MOB1B: variants seen among roughly 807,000 people sequenced by gnomAD.
MOB1B encodes MOB kinase activator 1B.
Under a neutral mutation model 24.4 loss-of-function variants are expected in MOB1B, and 19 were observed. The ratio of observed to expected loss-of-function variants is 0.78; its 90% CI spans 0.54 to 1.14. The LOEUF is 1.14. Ranked by LOEUF, MOB1B falls within the 50% of genes most tolerant of loss-of-function variation. MOB1B has a pLI of 0.00. For missense variants in MOB1B, 243 were observed against 259.6 expected, an observed-to-expected ratio of 0.94 and a Z score of 0.44; for synonymous variants, 76 against 82.1, an observed-to-expected ratio of 0.93 and a Z score of 0.40.
intron 2 of MOB1B, among the ~76,000 whole-genome samples, chr4:70,959,865 G>A (rs902392610): frequency 3.3e-5 from 5 of 151,912 alleles, no homozygotes; most frequent in African/African-American, 1.2e-4. Context: ...TCAGTTATTT[G>A]TCTAATTGTG....
At chr4:70,980,562 G>C (rs1029173975) in intron 5 of MOB1B, among the ~76,000 whole-genome samples, 2 of 152,092 alleles carry the variant, frequency 1.3e-5, no homozygotes, top group African/African-American at 4.8e-5. Context: ...TTAAGTAAGG[G>C]GGGCACCTGC....
In MOB1B at chr4:70,937,715, G is replaced by T. The variant is rs374348507; in HGVS notation, c.15-21159G>T. Among the ~76,000 whole-genome samples the T allele has an allele frequency of 4.6e-5, 7 of 152,032 alleles. No individual in the cohort carries two copies. In the East Asian group the frequency reaches 1.4e-3, roughly 30 times the overall value. On this transcript the variant is annotated intron_variant, in intron 1 of 5. Transcript: ENST00000309395. The stretch of plus-strand genomic sequence containing the variant: ...TTTAGTAAGGGGAAATTTTTAGTAA[G>T]GGGTCTTCCCATGTTGGCCAGGCTG...
intron 1 of MOB1B, among the ~76,000 whole-genome samples, chr4:70,903,740 A>G (rs895165406): frequency 6.8e-6 from 1 of 147,612 alleles, no homozygotes; most frequent in Non-Finnish European, 1.5e-5. Context: ...CACATCTAGA[A>G]TTTTTTTTTT....
At chr4:70,922,113 TA>T (rs1158533734) in intron 1 of MOB1B, among the ~76,000 whole-genome samples, 14 of 152,316 alleles carry the variant, frequency 9.2e-5, no homozygotes, top group African/African-American at 2.6e-4. Flanking sequence ...ACGTGTTAAC[TA>T]AAATTCTTAT....
intron 1 of MOB1B, among the ~76,000 whole-genome samples, chr4:70,941,797 T>G (rs541003699): frequency 1.9e-4 from 29 of 152,322 alleles, no homozygotes; most frequent in Middle Eastern, 6.8e-3. Flanking sequence ...AAAGTAAAGC[T>G]AATTACTGAG....
chr4:70,965,608 T>C (rs1738489818), intron 2 of MOB1B, among the ~76,000 whole-genome samples: 1 of 150,614 alleles, frequency 6.6e-6, no homozygotes, highest in African/African-American at 2.4e-5. Flanking sequence ...GCATCCTGGC[T>C]AACACGGCGG....
intron 1 of MOB1B, among the ~76,000 whole-genome samples, chr4:70,954,665 A>G (rs901103706): frequency 2.6e-5 from 4 of 152,100 alleles, no homozygotes; most frequent in Non-Finnish European, 5.9e-5. Flanking sequence ...CATGTTGGGC[A>G]GGCTGGTCTC....
At chr4:70,921,095 A>G (rs1490986082) in intron 1 of MOB1B, among the ~76,000 whole-genome samples, 1 of 152,232 alleles carries the variant, frequency 6.6e-6, no homozygotes, top group Admixed American at 6.5e-5. Flanking sequence ...TAAACAGCAA[A>G]TGAATGAAAA....
intron 1 of MOB1B, among the ~76,000 whole-genome samples, chr4:70,954,938 A>G (rs1287261330): frequency 2.6e-5 from 4 of 151,790 alleles, no homozygotes; most frequent in African/African-American, 9.7e-5. Context: ...GGTGCACGCC[A>G]TGACACCCAG....
At chr4:70,934,933 AATT>A (rs1240855121) in intron 1 of MOB1B, among the ~76,000 whole-genome samples, 1 of 151,416 alleles carries the variant, frequency 6.6e-6, no homozygotes, top group Non-Finnish European at 1.5e-5. Flanking sequence ...TTTTAAGATT[AATT>A]ATTATTATTA....
In MOB1B at chr4:70,902,444, T is replaced by TCTCCTG; in HGVS notation, c.-92_-87dup. The TCTCCTG allele has an allele frequency of 7.3e-7, 1 of 1,376,528 alleles. No individual in the cohort carries two copies. The highest frequency in any genetic ancestry group is 1.0e-6 in the Non-Finnish European group (1 of 988,570). 85.3% of individuals were successfully genotyped at this position (1,376,528 alleles called of 1,614,324 possible). On this transcript the variant is annotated 5_prime_UTR_variant, in exon 1 of 6. Transcript: ENST00000309395. ...CGGCACCTCCTCCTCCGCCTCCCTG[T>TCTCCTG]CTCCTGTTCCATTCGCCTTTCCTCT...
chr4:70,941,911 G>A (rs1737363917), intron 1 of MOB1B, among the ~76,000 whole-genome samples: 1 of 152,064 alleles, frequency 6.6e-6, no homozygotes, highest in African/African-American at 2.4e-5. Context: ...CCCTGTATAA[G>A]AATTTTGTTT....
intron 1 of MOB1B, among the ~76,000 whole-genome samples, chr4:70,956,695 T>C (rs556685581): frequency 6.6e-6 from 1 of 152,218 alleles, no homozygotes; most frequent in South Asian, 2.1e-4. Flanking sequence ...GCTGGGATTA[T>C]AGGTGTGGGC....
chr4:70,902,638 C>G, intron 1 of MOB1B, 88 bp downstream of exon 1: 1 of 1,311,522 alleles, frequency 7.6e-7, no homozygotes, highest in Non-Finnish European at 1.0e-6. Flanking sequence ...CCGCCCTCGT[C>G]CCGACCCTCC....
chr4:70,902,209 G>T (rs1423375031), upstream of MOB1B: 1 of 494,050 alleles, frequency 2.0e-6, no homozygotes, highest in Non-Finnish European at 3.7e-6. Flanking sequence ...GCAGCCGGAG[G>T]GCCGGGGTGG....
chr4:70,971,039 C>T (rs566974771), intron 3 of MOB1B, among the ~76,000 whole-genome samples: 43 of 152,308 alleles, frequency 2.8e-4, no homozygotes, highest in Middle Eastern at 3.4e-3. Context: ...GGTTTTTACC[C>T]GTCACGGGAC....
At chr4:70,910,933 G>T (rs1339281926) in intron 1 of MOB1B, among the ~76,000 whole-genome samples, 2 of 152,044 alleles carry the variant, frequency 1.3e-5, no homozygotes, top group East Asian at 3.9e-4. Flanking sequence ...GACTACAGGT[G>T]CCCGCCACCA....
chr4:70,982,109 A>G lies in MOB1B; in HGVS notation c.*52A>G, dbSNP rs926848840. On this transcript the variant is annotated 3_prime_UTR_variant, in exon 6 of 6. Transcript: ENST00000309395. Reference sequence around the variant, plus strand: ...CCTCAAATGAAGCAGTGTGGAGTGTATTGGGGATTTTGTTATATTTTGTTT... The same window carrying G: ...CCTCAAATGAAGCAGTGTGGAGTGTGTTGGGGATTTTGTTATATTTTGTTT... 2 of 1,332,568 alleles carry G rather than the reference A, an allele frequency of 1.5e-6. No individual in the cohort carries two copies. Among genetic ancestry groups the G allele is most frequent in the East Asian group, 4.6e-5 (2 of 43,030 alleles). 82.5% of individuals were successfully genotyped at this position (1,332,568 alleles called of 1,614,324 possible). A position where few individuals can be genotyped will look rare whatever the true frequency, so the allele number is the denominator to read the frequency against.
chr4:70,981,724 C>T (rs1739217700), intron 5 of MOB1B, among the ~76,000 whole-genome samples: 1 of 152,104 alleles, frequency 6.6e-6, no homozygotes, highest in South Asian at 2.1e-4. Flanking sequence ...TAGTTAACAT[C>T]CAGTATCACA....
Sources: gnomAD v4.1 joint callset for allele counts (sites outside exome capture counted in the v4.1 genomes callset) on GRCh38, gnomAD v4.1.1 for gene constraint, MANE v1.5 for transcripts, NCBI Gene and HGNC (gene_info 2026-07-23, HGNC 2026-07-21) for gene names.